PPP1R9A: variants seen among roughly 807,000 people sequenced by gnomAD.
The protein encoded by PPP1R9A is protein phosphatase 1 regulatory subunit 9A.
A neutral mutation model predicts 141.9 loss-of-function variants in PPP1R9A; 59 were observed. The observed-to-expected ratio is 0.42, with a 90% confidence interval of 0.34 to 0.52. The LOEUF is 0.52. Among genes scored for constraint, PPP1R9A ranks in the 20% least tolerant of loss-of-function variants. PPP1R9A has a pLI of 0.10. For missense variants in PPP1R9A, 1,444 were observed against 1,611.9 expected, an observed-to-expected ratio of 0.90 and a Z score of 1.78; for synonymous variants, 500 against 569.7, an observed-to-expected ratio of 0.88 and a Z score of 1.74.
chr7:95,025,737 A>G (rs779915282), intron 2 of PPP1R9A, among the ~76,000 whole-genome samples: 1 of 152,158 alleles, frequency 6.6e-6, no homozygotes, highest in African/African-American at 2.4e-5. Flanking sequence ...GTCTTTTCAC[A>G]TAGTCCCATA....
intron 2 of PPP1R9A, among the ~76,000 whole-genome samples, chr7:94,942,756 A>G (rs1795472053): frequency 6.6e-6 from 1 of 152,004 alleles, no homozygotes; most frequent in Non-Finnish European, 1.5e-5. Context: ...GTGAGCCAAG[A>G]TCGCACCACT....
chr7:95,062,369 T>G lies in PPP1R9A; in HGVS notation c.1396-48890T>G, dbSNP rs538645786. On this transcript the variant is annotated intron_variant, in intron 2 of 19. Coordinates refer to ENST00000433360, the MANE Select transcript of PPP1R9A (RefSeq NM_001166160.2). The stretch of plus-strand genomic sequence containing the variant: ...GAGAACCCAAAATGTCCTGTGCAGG[T>G]CTTTCTTGCTCCTTCAAGTGGAAGT... Among the ~76,000 whole-genome samples the G allele has an allele frequency of 8.5e-5, 13 of 152,086 alleles. No homozygotes were observed. In the South Asian group the frequency reaches 2.7e-3, roughly 32 times the overall value.
chr7:95,095,735 T>C (rs1817929063), intron 2 of PPP1R9A, among the ~76,000 whole-genome samples: 1 of 152,248 alleles, frequency 6.6e-6, no homozygotes, highest in African/African-American at 2.4e-5. Flanking sequence ...GGATCACAGC[T>C]GCCCAGAATG....
intron 2 of PPP1R9A, among the ~76,000 whole-genome samples, chr7:94,986,381 C>T (rs1452199329): frequency 1.3e-5 from 2 of 152,040 alleles, no homozygotes; most frequent in Non-Finnish European, 2.9e-5. Flanking sequence ...ACTAAGTGAA[C>T]TAAGTCAGGC....
At chr7:95,097,844 C>A (rs552797029) in intron 2 of PPP1R9A, among the ~76,000 whole-genome samples, 1 of 152,284 alleles carries the variant, frequency 6.6e-6, no homozygotes, top group African/African-American at 2.4e-5. Flanking sequence ...ACCAAAGAAG[C>A]ACCGCCAGTA....
intron 5 of PPP1R9A, among the ~76,000 whole-genome samples, chr7:95,182,281 G>T (rs531689109): frequency 6.6e-6 from 1 of 152,092 alleles, no homozygotes; most frequent in African/African-American, 2.4e-5. Flanking sequence ...CAAGGCTGCA[G>T]TGAGCAATGA....
chr7:94,943,976 T>C (rs6465448), intron 2 of PPP1R9A, among the ~76,000 whole-genome samples: 93,416 of 151,914 alleles, frequency 0.61, 29,611 homozygotes, highest in African/African-American at 0.77. Flanking sequence ...TACCTCATGC[T>C]ATCTGTGTGA....
At chr7:94,977,982 T>C (rs1285834618) in intron 2 of PPP1R9A, among the ~76,000 whole-genome samples, 1 of 151,850 alleles carries the variant, frequency 6.6e-6, no homozygotes, top group East Asian at 1.9e-4. Flanking sequence ...AGGCTGGTCT[T>C]GAATCCCTGA....
chr7:95,120,944 A>C, intron 4 of PPP1R9A, 112 bp downstream of exon 4: 12 of 1,363,286 alleles, frequency 8.8e-6, no homozygotes, highest in Non-Finnish European at 1.2e-5. Flanking sequence ...ATAGAATTTC[A>C]GGTTTCTCAG....
At position 94,938,492 on chromosome 7, in the gene PPP1R9A, C is replaced by T. The variant is rs1376536981; in HGVS notation, c.1395+26984C>T. The stretch of plus-strand genomic sequence containing the variant: ...CTTAGTATGAGTATGTTGACTGTGG[C>T]ACTGCTATTACTAGGAAAAAAGTGT... On this transcript the variant is annotated intron_variant, in intron 2 of 19. Transcript: ENST00000433360. 4.6e-5 allele frequency among the ~76,000 whole-genome samples: 7 copies of T among 151,984 alleles called. No homozygotes were observed. In the East Asian group the frequency reaches 1.4e-3, roughly 29 times the overall value.
At chr7:94,939,281 A>C (rs1034043488) in intron 2 of PPP1R9A, among the ~76,000 whole-genome samples, 19 of 151,504 alleles carry the variant, frequency 1.3e-4, no homozygotes, top group African/African-American at 4.7e-4. Flanking sequence ...CTAAACTTAA[A>C]AGCATTATTA....
intron 8 of PPP1R9A, among the ~76,000 whole-genome samples, chr7:95,241,884 G>A (rs1244552510): frequency 1.3e-5 from 2 of 152,086 alleles, no homozygotes; most frequent in South Asian, 2.1e-4. Context: ...AAAAAGAGCT[G>A]TAATTACAGG....
chr7:95,206,428 A>G (rs1052354008), intron 7 of PPP1R9A, among the ~76,000 whole-genome samples: 2 of 152,190 alleles, frequency 1.3e-5, no homozygotes, highest in African/African-American at 2.4e-5. Context: ...ATATATTATC[A>G]TTACATAGCT....
At chr7:95,267,780 TC>T (rs1801532604) in intron 12 of PPP1R9A, among the ~76,000 whole-genome samples, 1 of 152,122 alleles carries the variant, frequency 6.6e-6, no homozygotes, top group Non-Finnish European at 1.5e-5. Flanking sequence ...CAGAGATGAG[TC>T]AGAGGCACAT....
At chr7:95,286,932 ATTTC>A (rs1464035377) in intron 18 of PPP1R9A, among the ~76,000 whole-genome samples, 1 of 151,636 alleles carries the variant, frequency 6.6e-6, no homozygotes, top group Non-Finnish European at 1.5e-5. Context: ...TGTTCTTACT[ATTTC>A]TTTCTAACAT....
intron 2 of PPP1R9A, among the ~76,000 whole-genome samples, chr7:95,003,234 G>C (rs956493447): frequency 1.3e-5 from 2 of 152,046 alleles, no homozygotes; most frequent in African/African-American, 4.8e-5. Flanking sequence ...TCAGATTCAA[G>C]CCTATTAGGA....
intron 2 of PPP1R9A, among the ~76,000 whole-genome samples, chr7:95,108,291 CTTTTT>C (rs1819870276): frequency 1.1e-5 from 1 of 88,420 alleles, no homozygotes; most frequent in South Asian, 3.6e-4. Context: ...CTTTTCTTTT[CTTTTT>C]CGTTTCTTTT....
intron 3 of PPP1R9A, among the ~76,000 whole-genome samples, chr7:95,113,507 C>T (rs1639470757): frequency 6.6e-6 from 1 of 152,158 alleles, no homozygotes; most frequent in African/African-American, 2.4e-5. Context: ...AGTGAAAGAG[C>T]TTAAAAAATT....
intron 2 of PPP1R9A, among the ~76,000 whole-genome samples, chr7:94,947,752 A>G (rs544463022): frequency 2.1e-3 from 324 of 152,260 alleles, no homozygotes; most frequent in Non-Finnish European, 2.0e-3. Flanking sequence ...AGTATATATG[A>G]TAGTGACTTA....
Sources: gnomAD v4.1 joint callset for allele counts (sites outside exome capture counted in the v4.1 genomes callset) on GRCh38, gnomAD v4.1.1 for gene constraint, MANE v1.5 for transcripts, NCBI Gene and HGNC (gene_info 2026-07-23, HGNC 2026-07-21) for gene names.